ZGRF1: variants seen among roughly 807,000 people sequenced by gnomAD.
ZGRF1 encodes zinc finger GRF-type containing 1, also known as 5'-3' DNA helicase ZGRF1.
Under a neutral mutation model 203.5 loss-of-function variants are expected in ZGRF1, and 196 were observed. The observed-to-expected ratio is 0.96, with a 90% confidence interval of 0.86 to 1.08. The LOEUF (loss-of-function observed/expected upper bound fraction) is 1.08. ZGRF1 is among the 50% of genes least tolerant of loss of function. The pLI is 0.00. For synonymous variants in ZGRF1, 809 were observed against 841.3 expected, an observed-to-expected ratio of 0.96 and a Z score of 0.66; for missense variants, 2,326 against 2,416.3, an observed-to-expected ratio of 0.96 and a Z score of 0.78.
intron 8 of ZGRF1, among the ~76,000 whole-genome samples, chr4:112,608,283 G>A (rs1578432420): frequency 2.0e-5 from 3 of 152,242 alleles, no homozygotes; most frequent in East Asian, 3.9e-4. Context: ...TAATGATAGT[G>A]TTTATCTGTA....
rs17044854 is a variant in ZGRF1, at chr4:112,628,587, C to T, written c.102+3343G>A. 190 of 455,920 alleles carry T rather than the reference C, an allele frequency of 4.2e-4. 1 individual carries two copies. The highest frequency in any genetic ancestry group is 3.9e-3 in the Middle Eastern group (12 of 3,070). The allele number at this position is 455,920 out of a possible 1,614,324, so 28.2% of individuals were successfully genotyped here. On this transcript the variant is annotated intron_variant, in intron 3 of 27. Transcript: ENST00000505019. The stretch of plus-strand genomic sequence containing the variant: ...AATAGCCTGCATTTAAGATTGAGGG[C>T]GTTATTTAGGAAACAGTGAGATAAT...
intron 19 of ZGRF1, 59 bp downstream of exon 19, chr4:112,560,674 G>T: frequency 7.3e-7 from 1 of 1,364,868 alleles, no homozygotes; most frequent in South Asian, 1.4e-5. Context: ...GGAGCAGACT[G>T]AGTTACAAAA....
chr4:112,608,144 A>G (rs1732011263), intron 8 of ZGRF1, among the ~76,000 whole-genome samples: 2 of 152,140 alleles, frequency 1.3e-5, no homozygotes, highest in Non-Finnish European at 2.9e-5. Flanking sequence ...CTCTATCTCA[A>G]CTCAAACGAT....
At chr4:112,565,430 C>CA (rs35098422) in intron 16 of ZGRF1, 197,450 of 504,386 alleles carry the variant, frequency 0.39, 22,417 homozygotes, top group East Asian at 0.52. Flanking sequence ...ATTTCATTCT[C>CA]AAAAAAAAAA....
chr4:112,629,995 G>A, intron 3 of ZGRF1: 1 of 244,570 alleles, frequency 4.1e-6, no homozygotes, highest in Non-Finnish European at 8.5e-6. Context: ...CTCCAGCCTG[G>A]GCAACAGAGC....
intron 10 of ZGRF1, 100 bp from the exon 11 acceptor site, chr4:112,589,974 T>G: frequency 1.2e-6 from 1 of 852,658 alleles, no homozygotes; most frequent in East Asian, 2.7e-5. Flanking sequence ...AATAATGATT[T>G]AAAGCACATT....
intron 16 of ZGRF1, among the ~76,000 whole-genome samples, chr4:112,575,060 A>G (rs1183378735): frequency 6.6e-6 from 1 of 151,942 alleles, no homozygotes; most frequent in African/African-American, 2.4e-5. Flanking sequence ...AAAAAAAAAC[A>G]ATGTTTAAAG....
chr4:112,596,218 G>C (rs890273992), intron 10 of ZGRF1, among the ~76,000 whole-genome samples: 1 of 152,120 alleles, frequency 6.6e-6, no homozygotes, highest in African/African-American at 2.4e-5. Context: ...TGGCAATCCT[G>C]AATTACAATA....
At chr4:112,634,387 G>A (rs568890839) in intron 1 of ZGRF1, among the ~76,000 whole-genome samples, 1 of 152,238 alleles carries the variant, frequency 6.6e-6, no homozygotes, top group East Asian at 1.9e-4. Context: ...AAGAATTGCA[G>A]GCCTGTGATC....
chr4:112,542,160 G>A (rs529594581), intron 24 of ZGRF1, among the ~76,000 whole-genome samples: 3 of 152,174 alleles, frequency 2.0e-5, no homozygotes, highest in Non-Finnish European at 2.9e-5. Context: ...TGGCAAACAT[G>A]GTAAAACCCC....
chr4:112,577,074 GATCTCTCA>G (rs1745382053), intron 16 of ZGRF1, among the ~76,000 whole-genome samples: 1 of 125,938 alleles, frequency 7.9e-6, no homozygotes, highest in African/African-American at 2.7e-5. Context: ...ACTAACAGCT[GATCTCTCA>G]GCAGAAACTG....
chr4:112,631,080 T>C (rs992006802), intron 3 of ZGRF1, among the ~76,000 whole-genome samples: 7 of 152,170 alleles, frequency 4.6e-5, no homozygotes, highest in African/African-American at 1.7e-4. Flanking sequence ...AGTAGGAGAG[T>C]TATGCAGACT....
chr4:112,628,490 C>T, intron 3 of ZGRF1: 2 of 434,064 alleles, frequency 4.6e-6, no homozygotes, highest in Non-Finnish European at 9.3e-6. Context: ...ATGACTTATT[C>T]AGTGGAAGAT....
intron 13 of ZGRF1, 35 bp from the exon 14 acceptor site, chr4:112,585,760 A>G: frequency 1.4e-6 from 2 of 1,479,980 alleles, no homozygotes; most frequent in Non-Finnish European, 1.8e-6. Context: ...AGAAAATTAA[A>G]TACAAAATAA....
rs1388617717 is a variant in ZGRF1, at chr4:112,565,136, G to A, written c.4439-1862C>T. On this transcript the variant is annotated intron_variant, in intron 16 of 27. Coordinates refer to ENST00000505019, the MANE Select transcript of ZGRF1 (RefSeq NM_018392.5). ...TACAGGCCTGGTACTGTGGCGCTCC[G>A]TGAAATTAGATGTTATCAGAAGTCC... 8 of 1,430,350 alleles carry A rather than the reference G, an allele frequency of 5.6e-6. No individual in the cohort carries two copies. In the African/African-American group the frequency reaches 5.6e-5, roughly 10 times the overall value. The allele number at this position is 1,430,350 out of a possible 1,614,324, so 88.6% of individuals were successfully genotyped here.
Position 112,547,380 on chromosome 4 carries a change from C to T in ZGRF1, c.5503G>A (p.Gly1835Arg). 1 of 1,611,658 alleles carries T rather than the reference C, an allele frequency of 6.2e-7. No individual in the cohort carries two copies. The highest frequency in any genetic ancestry group is 8.5e-7 in the Non-Finnish European group (1 of 1,179,022). The change falls in exon 24 of 28, where the codon GGG (glycine) becomes AGG (arginine). Residue 1835 changes from glycine (G) to arginine (R), a missense_variant. Gly to Arg is a moderately radical substitution (Grantham distance 125, BLOSUM62 -2). Coordinates refer to ENST00000505019, the MANE Select transcript of ZGRF1 (RefSeq NM_018392.5). ...RFECEKLILVGDPKQLPPTIQ... is the reference protein window; with the variant it reads ...RFECEKLILVRDPKQLPPTIQ... ...GTAGGAGGTAGCTGTTTGGGATCCCCAACAAGAATCAGCTTTTCACACTCA... is the reference window on the plus strand; with the variant it reads ...GTAGGAGGTAGCTGTTTGGGATCCCTAACAAGAATCAGCTTTTCACACTCA...
intron 16 of ZGRF1, among the ~76,000 whole-genome samples, chr4:112,566,345 TG>T (rs929763758): frequency 1.1e-4 from 6 of 55,594 alleles, no homozygotes; most frequent in East Asian, 6.6e-4. Context: ...TGTTGTGGGG[TG>T]GGGGGAGGGG....
intron 26 of ZGRF1, 135 bp downstream of exon 26, chr4:112,540,686 C>T: frequency 1.9e-6 from 1 of 537,216 alleles, no homozygotes. Flanking sequence ...CAGAATGTTT[C>T]TTTTTTAATA....
chr4:112,563,890 T>A (rs1211564147), intron 16 of ZGRF1, among the ~76,000 whole-genome samples: 1 of 152,100 alleles, frequency 6.6e-6, no homozygotes, highest in Non-Finnish European at 1.5e-5. Flanking sequence ...CCCTTTAACC[T>A]CTCTTATAAG....
Sources: allele counts gnomAD v4.1 joint callset (sites outside exome capture counted in the v4.1 genomes callset), GRCh38; gene constraint gnomAD v4.1.1; transcripts MANE v1.5; gene names NCBI Gene and HGNC (gene_info 2026-07-23, HGNC 2026-07-21).